PLAUR: variants seen among roughly 807,000 people sequenced by gnomAD.
PLAUR encodes the protein plasminogen activator, urokinase receptor.
In PLAUR, 22 loss-of-function variants were observed where a neutral mutation model predicts 33.4. The ratio of observed to expected loss-of-function variants is 0.66; its 90% CI spans 0.47 to 0.94. PLAUR has a LOEUF of 0.94. PLAUR is among the 40% of genes least tolerant of loss of function. The probability of loss-of-function intolerance (pLI) is 0.00; values close to 1 mark genes in which losing one functional copy is unlikely to be tolerated. For missense variants in PLAUR, 408 were observed against 434.7 expected, an observed-to-expected ratio of 0.94 and a Z score of 0.55; for synonymous variants, 148 against 167.3, an observed-to-expected ratio of 0.88 and a Z score of 0.89.
chr19:43,646,973 G>A (rs1973835943), downstream of PLAUR, among the ~76,000 whole-genome samples: 1 of 151,892 alleles, frequency 6.6e-6, no homozygotes, highest in Non-Finnish European at 1.5e-5. Flanking sequence ...TAGAGACGGG[G>A]TTTTGCCAAA....
At chr19:43,664,169 C>T (rs1967127863) in intron 3 of PLAUR, among the ~76,000 whole-genome samples, 1 of 151,664 alleles carries the variant, frequency 6.6e-6, no homozygotes, top group Admixed American at 6.6e-5. Flanking sequence ...TTCCTCAAAA[C>T]AAACATCTGA....
chr19:43,646,788 C>CTTT (rs71169269), downstream of PLAUR, among the ~76,000 whole-genome samples: 3,027 of 104,760 alleles, frequency 0.029, 45 homozygotes, highest in Middle Eastern at 0.075. Context: ...TGGAAGATGT[C>CTTT]TTTTTTTTTT....
intron 3 of PLAUR, among the ~76,000 whole-genome samples, chr19:43,661,912 C>T (rs868437922): frequency 4.6e-5 from 7 of 151,954 alleles, no homozygotes; most frequent in African/African-American, 1.4e-4. Context: ...TTTGCTCTGC[C>T]GCCTAGGCTG....
At chr19:43,646,522 G>T, downstream of PLAUR, 1 of 717,764 alleles carries the variant, frequency 1.4e-6, no homozygotes, top group Non-Finnish European at 2.6e-6. Flanking sequence ...CTTTTACATG[G>T]CAACCAGCTT....
intron 6 of PLAUR, 129 bp from the exon 7 acceptor site, chr19:43,649,272 G>A: frequency 9.5e-7 from 1 of 1,056,802 alleles, no homozygotes; most frequent in South Asian, 1.5e-5. Context: ...GCAGTTCTCA[G>A]GGCCAGGTGT....
At chr19:43,669,075 G>C (rs149727493) in intron 1 of PLAUR, among the ~76,000 whole-genome samples, 1 of 152,138 alleles carries the variant, frequency 6.6e-6, no homozygotes, top group African/African-American at 2.4e-5. Flanking sequence ...CCGCGGTCTC[G>C]AGCGCTTTCC....
intron 2 of PLAUR, among the ~76,000 whole-genome samples, 160 bp from the exon 3 acceptor site, chr19:43,665,619 C>T (rs1967200556): frequency 6.9e-6 from 1 of 144,186 alleles, no homozygotes; most frequent in Non-Finnish European, 1.5e-5. Flanking sequence ...AACCTTGCCT[C>T]CACCCCCACC....
rs1974227032 is a variant in PLAUR, at chr19:43,656,659, G to T, written c.311-19C>A. The T allele has an allele frequency of 6.4e-7, 1 of 1,570,900 alleles. No individual in the cohort carries two copies. Among genetic ancestry groups the T allele is most frequent in the African/African-American group, 1.4e-5 (1 of 73,910 alleles). ...GCCCGGCCTGTTTGGAAGAGGGGGAGGGGAGTGAGACTCCATGGGGACAGT... is the reference window on the plus strand; with the variant it reads ...GCCCGGCCTGTTTGGAAGAGGGGGATGGGAGTGAGACTCCATGGGGACAGT... On this transcript the variant is annotated intron_variant, in intron 3 of 6. Coordinates refer to ENST00000340093, the MANE Select transcript of PLAUR (RefSeq NM_002659.4).
intron 6 of PLAUR, chr19:43,652,009 C>T (rs1974013270): frequency 7.5e-7 from 1 of 1,324,682 alleles, no homozygotes; most frequent in Admixed American, 3.1e-5. Context: ...TCAGCCACCG[C>T]ACCCAGCCGG....
chr19:43,663,640 G>T (rs1423137515), intron 3 of PLAUR, among the ~76,000 whole-genome samples: 1 of 151,920 alleles, frequency 6.6e-6, no homozygotes, highest in Non-Finnish European at 1.5e-5. Flanking sequence ...AATTAGCTGG[G>T]CGTGGTGGCG....
At chr19:43,668,914 C>T (rs1967397380) in intron 1 of PLAUR, among the ~76,000 whole-genome samples, 1 of 151,914 alleles carries the variant, frequency 6.6e-6, no homozygotes, top group Non-Finnish European at 1.5e-5. Context: ...CGCCCTCTGG[C>T]TCCTCCCCGA....
chr19:43,646,436 G>T, downstream of PLAUR: 1 of 717,764 alleles, frequency 1.4e-6, no homozygotes, highest in Non-Finnish European at 2.6e-6. Flanking sequence ...AAACATCTGG[G>T]GCTCTATCTC....
chr19:43,646,866 C>G (rs1568548312), downstream of PLAUR, among the ~76,000 whole-genome samples: 1 of 149,886 alleles, frequency 6.7e-6, no homozygotes, highest in East Asian at 1.9e-4. Flanking sequence ...CTACAACCTC[C>G]TCCTCCTGGG....
downstream of PLAUR, among the ~76,000 whole-genome samples, chr19:43,647,487 T>A (rs140562299): frequency 6.6e-6 from 1 of 152,118 alleles, no homozygotes. Flanking sequence ...CAGTGTGTGA[T>A]CTGGAAGCTT....
intron 1 of PLAUR, chr19:43,668,057 G>T: frequency 4.7e-6 from 5 of 1,059,850 alleles, no homozygotes; most frequent in South Asian, 2.9e-5. Context: ...ACCGGCCCTC[G>T]GTCGATTACG....
At chr19:43,650,231 G>A (rs905276112) in intron 6 of PLAUR, among the ~76,000 whole-genome samples, 10 of 150,616 alleles carry the variant, frequency 6.6e-5, no homozygotes, top group Admixed American at 2.0e-4. Context: ...GGCTGGTCTC[G>A]AACTCCTGAC....
In PLAUR at chr19:43,656,483, T is replaced by A. The variant is rs562481296; in HGVS notation, c.468A>T (p.Glu156Asp). 6.3e-7 allele frequency: 1 copy of A among 1,587,152 alleles called. No individual in the cohort carries two copies. The highest frequency in any genetic ancestry group is 1.3e-5 in the African/African-American group (1 of 74,362). ...DVVTHWIQEG[E>D]EGRPKDDRHL... is the part of the protein sequence containing the mutation. ...TGCCAGCAGGTTGGGGCTCACCTTC[T>A]TCACCTTCCTGGATCCAGTGGGTCA... The change falls in exon 4 of 7, where the codon GAA (glutamate) becomes GAT (aspartate). Residue 156 changes from glutamate to aspartate, a missense_variant. Physicochemically the swap from Glu to Asp is conservative, Grantham distance 45. Transcript: ENST00000340093.
chr19:43,660,135 T>C (rs28480009), intron 3 of PLAUR, among the ~76,000 whole-genome samples: 1,735 of 148,242 alleles, frequency 0.012, 30 homozygotes, highest in African/African-American at 0.041. Context: ...TTTTGTTTTG[T>C]TTTGAGACAG....
downstream of PLAUR, chr19:43,646,191 A>G (rs958323909): frequency 6.6e-6 from 2 of 302,374 alleles, no homozygotes; most frequent in Admixed American, 4.8e-5. Context: ...TTCCTTTCTC[A>G]CCCTCCCAAA....
Sources: allele counts gnomAD v4.1 joint callset (sites outside exome capture counted in the v4.1 genomes callset), GRCh38; gene constraint gnomAD v4.1.1; transcripts MANE v1.5; gene names NCBI Gene and HGNC (gene_info 2026-07-23, HGNC 2026-07-21).